The following PNPLA6 variants were observed in gnomAD, a reference collection of about 807,000 sequenced individuals.
PNPLA6 encodes patatin like domain 6, lysophospholipase.
A neutral mutation model predicts 153.7 loss-of-function variants in PNPLA6; 105 were observed. The ratio of observed to expected loss-of-function variants is 0.68; its 90% CI spans 0.58 to 0.80. The LOEUF (loss-of-function observed/expected upper bound fraction) is 0.80. Ranked by LOEUF, PNPLA6 falls within the 30% of genes least tolerant of loss-of-function variation. PNPLA6 has a pLI of 0.00. For synonymous variants in PNPLA6, 825 were observed against 822.2 expected, an observed-to-expected ratio of 1.00 and a Z score of -0.06; for missense variants, 1,423 against 1,919.3, an observed-to-expected ratio of 0.74 and a Z score of 4.83.
In PNPLA6 at chr19:7,553,893, C is replaced by T. The variant is rs1599301612; in HGVS notation, c.2279C>T (p.Pro760Leu). Residue 760 changes from proline to leucine, a missense_variant, in exon 19 of 32, where the codon CCC becomes CTC. Transcript: ENST00000600737. Reference protein sequence around the residue: ...GPFPGSGLGVPPHSELTNPAS... With the variant: ...GPFPGSGLGVLPHSELTNPAS... ...TTAGCAGGCTCTGGGTTGGGTGTGC[C>T]CCCACACTCGGAACTCACCAACCCA... 1 of 1,614,198 alleles carries T rather than the reference C, an allele frequency of 6.2e-7. No homozygotes were observed. Among genetic ancestry groups the T allele is most frequent in the East Asian group, 2.2e-5 (1 of 44,892 alleles).
At chr19:7,553,176 G>C (rs938243505) in intron 18 of PNPLA6, among the ~76,000 whole-genome samples, 2 of 152,126 alleles carry the variant, frequency 1.3e-5, no homozygotes, top group South Asian at 2.1e-4. Flanking sequence ...GTTGACAGCT[G>C]GTCTAGGCTG....
rs147123471 is a variant in PNPLA6, at chr19:7,558,013, A to G, written c.3397+729A>G. On this transcript the variant is annotated intron_variant, in intron 27 of 31. Transcript: ENST00000600737. ...TGTACACACAGGCACATGTGCACAG[A>G]TGAACACGTGTGTCAGTGAAATAGG... Among the ~76,000 whole-genome samples the G allele has an allele frequency of 1.8e-3, 275 of 152,308 alleles. 1 individual carries two copies. In the Middle Eastern group the frequency reaches 0.02, roughly 11 times the overall value.
chr19:7,554,303 G>C, intron 20 of PNPLA6, 31 bp downstream of exon 20: 2 of 1,588,724 alleles, frequency 1.3e-6, no homozygotes, highest in Non-Finnish European at 1.7e-6. Context: ...TGGGGAGGGT[G>C]GTGGGTGGGC....
chr19:7,542,979 G>A lies in PNPLA6; in HGVS notation c.1531-28G>A, dbSNP rs748978105. 1.7e-5 allele frequency: 27 copies of A among 1,613,706 alleles called. No individual in the cohort carries two copies. In the African/African-American group the frequency reaches 2.0e-4, roughly 12 times the overall value. ...CAGGGCGCAAGGGAGGCCTGGCTGCGCCCATCTCAACCCCCCTACCTCCCC... is the reference window on the plus strand; with the variant it reads ...CAGGGCGCAAGGGAGGCCTGGCTGCACCCATCTCAACCCCCCTACCTCCCC... On this transcript the variant is annotated intron_variant, in intron 12 of 31. Coordinates refer to ENST00000600737, the MANE Select transcript of PNPLA6 (RefSeq NM_001166114.2).
In PNPLA6 at chr19:7,561,333, C is replaced by T. The variant is rs756528111; in HGVS notation, c.4023+16C>T. 4 of 1,565,720 alleles carry T rather than the reference C, an allele frequency of 2.6e-6. No homozygotes were observed. The Admixed American group carries it at 7.2e-5, about 28-fold the overall frequency. On this transcript the variant is annotated intron_variant, in intron 31 of 31. Coordinates refer to ENST00000600737, the MANE Select transcript of PNPLA6 (RefSeq NM_001166114.2). ...CTCCGAGATGGTGAGAGTGGGTGGC[C>T]CAGGGTCCCCTCACATCCCCCAGAG...
intron 13 of PNPLA6, 92 bp from the exon 14 acceptor site, chr19:7,549,812 TTTC>T (rs2023564555): frequency 1.9e-5 from 24 of 1,261,702 alleles, no homozygotes; most frequent in Non-Finnish European, 2.6e-5. Context: ...TAACCCTTCC[TTTC>T]TTCTTTAATT....
At chr19:7,556,417 ACTC>A in intron 24 of PNPLA6, 33 bp from the exon 25 acceptor site, 2 of 1,265,376 alleles carry the variant, frequency 1.6e-6, no homozygotes, top group Non-Finnish European at 1.2e-6. Context: ...ACCCCATGTA[ACTC>A]CTATTTGACC....
intron 3 of PNPLA6, among the ~76,000 whole-genome samples, chr19:7,538,155 AAAAGGAATAATCAT>A (rs2022962279): frequency 6.6e-6 from 1 of 152,114 alleles, no homozygotes; most frequent in East Asian, 1.9e-4. Flanking sequence ...CCCTGATCAA[AAAAGGAATAATCAT>A]AACAATTATA....
chr19:7,534,713 A>C, upstream of PNPLA6: 1 of 152,124 alleles, frequency 6.6e-6, no homozygotes, highest in Non-Finnish European at 1.5e-5. Flanking sequence ...CCGCATCCCC[A>C]CCCACTAATC....
chr19:7,550,378 T>G lies in PNPLA6; in HGVS notation c.1895T>G (p.Met632Arg). ...AGGATGTCGCCCTTCGTGCGCCAGA[T>G]GGACTTCGCCATCGACTGGACTGCA... is the stretch of plus-strand genomic sequence containing the variant. The part of the protein sequence containing the change: ...AARMSPFVRQ[M>R]DFAIDWTAVE... The change falls in exon 15 of 32, where the codon ATG becomes AGG. Residue 632 changes from methionine to arginine, a missense_variant. Transcript: ENST00000600737. 3 of 1,612,158 alleles carry G rather than the reference T, an allele frequency of 1.9e-6. No homozygotes were observed. The South Asian group carries it at 3.3e-5, about 18-fold the overall frequency.
In PNPLA6 at chr19:7,542,638, G is replaced by T. The variant is rs2023205232; in HGVS notation, c.1330G>T (p.Ala444Ser). ...GRISVSLQEE[A>S]SGGSLAAPAR... ...GATCTCCGTGTCCCTGCAGGAAGAG[G>T]CCTCCGGGGGGTCCCTGGCAGCCCC... Residue 444 changes from alanine (A) to serine (S), a missense_variant, in exon 11 of 32, where the codon GCC becomes TCC. Physicochemically the swap from Ala to Ser is moderately conservative, Grantham distance 99. Around this residue, in one of 10 missense-constraint regions of PNPLA6, gnomAD observed 267 missense variants for 255.1 expected, o/e 1.05. Transcript: ENST00000600737. 2 of 1,613,332 alleles carry T rather than the reference G, an allele frequency of 1.2e-6. No individual in the cohort carries two copies. Among genetic ancestry groups the T allele is most frequent in the South Asian group, 1.1e-5 (1 of 91,084 alleles).
chr19:7,549,250 G>T (rs1212597545), intron 13 of PNPLA6, among the ~76,000 whole-genome samples: 2 of 146,374 alleles, frequency 1.4e-5, no homozygotes, highest in Admixed American at 6.8e-5. Flanking sequence ...GCAGTGGCGC[G>T]ATCTTGGCTC....
Position 7,540,736 on chromosome 19 carries a change from G to A in PNPLA6, c.795+26G>A. The stretch of plus-strand genomic sequence containing the variant: ...GTGAGTGACCAGTTTCTGAGGCAGG[G>A]GGGCTGGGGTGCAAGGTCCCACCCA... On this transcript the variant is annotated intron_variant, in intron 6 of 31. Transcript: ENST00000600737. This position sits in a 1 kb window ranked among gnomAD's most constrained non-coding sequence, Gnocchi z 6.8. 1 of 1,596,308 alleles carries A rather than the reference G, an allele frequency of 6.3e-7. No individual in the cohort carries two copies. The highest frequency in any genetic ancestry group is 8.6e-7 in the Non-Finnish European group (1 of 1,163,794).
Position 7,553,964 on chromosome 19 carries a change from G to C in PNPLA6, c.2350G>C (p.Val784Leu). Residue 784 changes from valine (V) to leucine (L), a missense_variant, in exon 19 of 32, where the codon GTC becomes CTC. Val to Leu is a conservative substitution (Grantham distance 32). Around this residue, in one of 10 missense-constraint regions of PNPLA6, gnomAD observed 643 missense variants for 835.2 expected, o/e 0.77. Transcript: ENST00000600737. ...GGCAATCCTGCCTGTGTGTGCTGAG[G>C]TCCCCATGGTGGCCTTCACGCTGGA... The part of the protein sequence containing the change: ...TVAILPVCAE[V>L]PMVAFTLELQ... 1.2e-6 allele frequency: 2 copies of C among 1,614,122 alleles called. No individual in the cohort carries two copies. The highest frequency in any genetic ancestry group is 1.7e-6 in the Non-Finnish European group (2 of 1,180,026).
Position 7,540,709 on chromosome 19 carries a change from C to T in PNPLA6, c.794C>T (p.Thr265Ile). Residue 265 changes from threonine to isoleucine, a missense_variant and splice_region_variant, in exon 6 of 32, where the codon ACC becomes ATC. Transcript: ENST00000600737. This position sits in a 1 kb window ranked among gnomAD's most constrained non-coding sequence, Gnocchi z 6.8. Reference sequence around the variant, plus strand: ...CTTCTCAGCATCCTGGATGTCATCACCGTGAGTGACCAGTTTCTGAGGCAG... The same window carrying T: ...CTTCTCAGCATCCTGGATGTCATCATCGTGAGTGACCAGTTTCTGAGGCAG... ...NSLLSILDVI[T>I]GHQHPQRTVS... 6.2e-7 allele frequency: 1 copy of T among 1,611,940 alleles called. No homozygotes were observed. Among genetic ancestry groups the T allele is most frequent in the Non-Finnish European group, 8.5e-7 (1 of 1,178,010 alleles).
intron 27 of PNPLA6, among the ~76,000 whole-genome samples, chr19:7,558,421 C>G (rs1479052962): frequency 1.3e-5 from 2 of 152,150 alleles, no homozygotes; most frequent in South Asian, 2.1e-4. Flanking sequence ...CACTTGAGGT[C>G]AGGAATTCGA....
rs1159119005 is a variant in PNPLA6, at chr19:7,542,867, G to A, written c.1469G>A (p.Arg490His). 1.4e-5 allele frequency: 23 copies of A among 1,613,024 alleles called. No homozygotes were observed. The highest frequency in any genetic ancestry group is 1.9e-5 in the Non-Finnish European group (22 of 1,179,884). Residue 490 changes from arginine to histidine, a missense_variant, in exon 12 of 32, where the codon CGC (arginine) becomes CAC (histidine). Arg to His is a conservative substitution (Grantham distance 29). Coordinates refer to ENST00000600737, the MANE Select transcript of PNPLA6 (RefSeq NM_001166114.2). Reference protein sequence around the residue: ...GGCPFGPYQGRQTSSIFEAAK... With the variant: ...GGCPFGPYQGHQTSSIFEAAK... ...TGCCCTTTCGGGCCCTACCAGGGCCGCCAGACCAGCAGCATCTTCGAGGCA... is the reference window on the plus strand; with the variant it reads ...TGCCCTTTCGGGCCCTACCAGGGCCACCAGACCAGCAGCATCTTCGAGGCA...
chr19:7,542,214 G>A, intron 10 of PNPLA6, 147 bp downstream of exon 10: 2 of 690,242 alleles, frequency 2.9e-6, no homozygotes, highest in South Asian at 3.3e-5. Flanking sequence ...TATTCATTGA[G>A]ATAGTGCTTC....
rs764167838 is a variant in PNPLA6 at position 7,559,097 on chromosome 19, C to T, written c.3645C>T (p.Arg1215=). The T allele has an allele frequency of 2.5e-6, 4 of 1,614,090 alleles. No homozygotes were observed. The South Asian group carries it at 4.4e-5, about 18-fold the overall frequency. The part of the protein sequence containing the change: ...VKSSSYCEYL[R]PPIDCFKTMD... ...CCAGCTCCTACTGCGAGTACCTGCG[C>T]CCGCCCATCGACTGCTTCAAGACCA... Residue 1215 remains arginine, a synonymous_variant, in exon 28 of 32, where the codon CGC becomes CGT. Transcript: ENST00000600737.
Sources: gnomAD v4.1 joint callset for allele counts (sites outside exome capture counted in the v4.1 genomes callset) on GRCh38, gnomAD v4.1.1 for gene constraint, gnomAD v4.1.1 regional missense constraint, Gnocchi (gnomAD v3.1) non-coding constraint, MANE v1.5 for transcripts, NCBI Gene and HGNC (gene_info 2026-07-23, HGNC 2026-07-21) for gene names.